SCAMP1: variants seen among roughly 807,000 people sequenced by gnomAD.
SCAMP1 encodes the protein secretory carrier-associated membrane protein 1.
In SCAMP1, 15 loss-of-function variants were observed where a neutral mutation model predicts 41.8. The ratio of observed to expected loss-of-function variants is 0.36; its 90% CI spans 0.24 to 0.55. The LOEUF is 0.55. Among genes scored for constraint, SCAMP1 ranks in the 20% least tolerant of loss-of-function variants. SCAMP1 has a pLI of 0.86. For missense variants in SCAMP1, 341 were observed against 412.6 expected (o/e 0.83, Z 1.50); for synonymous variants, 135 against 136.8 (o/e 0.99, Z 0.09).
At chr5:78,396,755 A>G (rs952874597) in intron 2 of SCAMP1, among the ~76,000 whole-genome samples, 1 of 152,228 alleles carries the variant, frequency 6.6e-6, no homozygotes, top group African/African-American at 2.4e-5. Flanking sequence ...CTGAGAAGAA[A>G]CAACTTAGTG....
intron 1 of SCAMP1, among the ~76,000 whole-genome samples, chr5:78,363,739 C>T (rs1037328554): frequency 1.7e-4 from 26 of 152,210 alleles, no homozygotes; most frequent in African/African-American, 5.5e-4. Flanking sequence ...AGTCTATTCT[C>T]CTTATATAAT....
chr5:78,419,023 T>A, intron 5 of SCAMP1, 120 bp downstream of exon 5: 1 of 818,778 alleles, frequency 1.2e-6, no homozygotes, highest in Non-Finnish European at 1.9e-6. Context: ...TAAAGCTTAA[T>A]AATCATGATT....
intron 2 of SCAMP1, among the ~76,000 whole-genome samples, chr5:78,401,267 C>T (rs1238996174): frequency 6.6e-6 from 1 of 151,992 alleles, no homozygotes; most frequent in East Asian, 1.9e-4. Flanking sequence ...TTTTTGCATC[C>T]ATGTTCATCA....
intron 1 of SCAMP1, among the ~76,000 whole-genome samples, chr5:78,384,848 T>A (rs897433207): frequency 6.6e-6 from 1 of 152,198 alleles, no homozygotes; most frequent in African/African-American, 2.4e-5. Flanking sequence ...TTGAATTTGG[T>A]TAACTAGTAT....
chr5:78,448,884 C>T (rs1753146472), intron 6 of SCAMP1, among the ~76,000 whole-genome samples: 1 of 151,976 alleles, frequency 6.6e-6, no homozygotes, highest in South Asian at 2.1e-4. Flanking sequence ...CCTGTAATCC[C>T]AACTACTCGG....
chr5:78,394,527 T>A (rs1347250448), intron 2 of SCAMP1, among the ~76,000 whole-genome samples: 1 of 152,178 alleles, frequency 6.6e-6, no homozygotes, highest in Admixed American at 6.5e-5. Flanking sequence ...CTGAGTTAAA[T>A]AATTTAGTAT....
chr5:78,398,256 C>T (rs1751703341), intron 2 of SCAMP1, among the ~76,000 whole-genome samples: 1 of 151,794 alleles, frequency 6.6e-6, no homozygotes, highest in Non-Finnish European at 1.5e-5. Context: ...ATAGTTGAAC[C>T]TTGAAAACAT....
rs1290247258 is a variant in SCAMP1, at chr5:78,478,510, C to A, written c.*2842C>A. 1.3e-5 allele frequency: 2 copies of A among 152,216 alleles called. No individual in the cohort carries two copies. Among genetic ancestry groups the A allele is most frequent in the African/African-American group, 4.8e-5 (2 of 41,414 alleles). The allele number at this position is 152,216 out of a possible 1,614,324, so 9.4% of individuals were successfully genotyped here. On this transcript the variant is annotated 3_prime_UTR_variant, in exon 9 of 9. Transcript: ENST00000621999. ...CAGGTAATGGAACATGAGCTTCACC[C>A]ATATTAAATATTTTGGCCCCTTTAA...
At chr5:78,383,663 T>A (rs578196528) in intron 1 of SCAMP1, among the ~76,000 whole-genome samples, 3 of 152,334 alleles carry the variant, frequency 2.0e-5, no homozygotes, top group Admixed American at 1.3e-4. Context: ...TTGCCAATGA[T>A]CCCAGCACCA....
chr5:78,413,336 C>T lies in SCAMP1; in HGVS notation c.136-2184C>T, dbSNP rs566410911. 3.6e-3 allele frequency among the ~76,000 whole-genome samples: 539 copies of T among 151,192 alleles called. 6 individuals are homozygous for T. The highest frequency in any genetic ancestry group is 0.013 in the African/African-American group (521 of 41,246). ...TGCATCTGTATTACACTCTTAATTA[C>T]TGTGGTTCTATAATAAGCCTTGATA... On this transcript the variant is annotated intron_variant, in intron 2 of 8. Transcript: ENST00000621999.
In SCAMP1 at chr5:78,460,113, G is replaced by C. The variant is rs1035261572; in HGVS notation, c.852+751G>C. ...CATTTTTTAGGTGGTGTAGTATTTCGTGATGTATATGTATCACATTTTCTT... is the reference window on the plus strand; with the variant it reads ...CATTTTTTAGGTGGTGTAGTATTTCCTGATGTATATGTATCACATTTTCTT... On this transcript the variant is annotated intron_variant, in intron 8 of 8. Coordinates refer to ENST00000621999, the MANE Select transcript of SCAMP1 (RefSeq NM_004866.6). Among the ~76,000 whole-genome samples, 3 of 152,192 alleles carry C rather than the reference G, an allele frequency of 2.0e-5. No homozygotes were observed. The South Asian group carries it at 6.2e-4, about 31-fold the overall frequency.
At chr5:78,385,665 A>G (rs1190138847) in intron 1 of SCAMP1, among the ~76,000 whole-genome samples, 1 of 152,146 alleles carries the variant, frequency 6.6e-6, no homozygotes. Flanking sequence ...GTTCAGTTCA[A>G]ATAATTTTTT....
At chr5:78,438,519 C>T (rs62364270) in intron 6 of SCAMP1, among the ~76,000 whole-genome samples, 56,327 of 151,958 alleles carry the variant, frequency 0.37, 12,566 homozygotes, top group Non-Finnish European at 0.5. Context: ...TGTAGTTGAG[C>T]GGTTTTGAGT....
At chr5:78,474,693 C>T (rs1250429765) in intron 8 of SCAMP1, among the ~76,000 whole-genome samples, 1 of 152,150 alleles carries the variant, frequency 6.6e-6, no homozygotes, top group Non-Finnish European at 1.5e-5. Flanking sequence ...AGTGTAATTA[C>T]CAGTATCTTT....
At chr5:78,423,344 T>C (rs1325857238) in intron 6 of SCAMP1, among the ~76,000 whole-genome samples, 1 of 152,152 alleles carries the variant, frequency 6.6e-6, no homozygotes, top group Non-Finnish European at 1.5e-5. Flanking sequence ...GAAAGGAACA[T>C]AGTTACTCCT....
chr5:78,452,802 C>A (rs1580707428), intron 7 of SCAMP1, among the ~76,000 whole-genome samples: 1 of 145,046 alleles, frequency 6.9e-6, no homozygotes. Context: ...ACAGTCCCAC[C>A]AACAGTGTAA....
At chr5:78,452,897 A>G (rs1232717441) in intron 7 of SCAMP1, among the ~76,000 whole-genome samples, 6 of 149,542 alleles carry the variant, frequency 4.0e-5, no homozygotes, top group East Asian at 2.0e-4. Flanking sequence ...GTGTGAGATG[A>G]TATCTCATTG....
At chr5:78,458,152 G>A (rs1447531300) in intron 7 of SCAMP1, among the ~76,000 whole-genome samples, 2 of 152,084 alleles carry the variant, frequency 1.3e-5, no homozygotes, top group South Asian at 2.1e-4. Context: ...CTTCTGCGTC[G>A]CTCTCGCTGG....
At chr5:78,401,386 T>A (rs1298736875) in intron 2 of SCAMP1, among the ~76,000 whole-genome samples, 1 of 152,164 alleles carries the variant, frequency 6.6e-6, no homozygotes, top group East Asian at 1.9e-4. Context: ...TTCCTCCGAT[T>A]GAGACTGTAT....
Sources: gnomAD v4.1 joint callset for allele counts (sites outside exome capture counted in the v4.1 genomes callset) on GRCh38, gnomAD v4.1.1 for gene constraint, MANE v1.5 for transcripts, NCBI Gene and HGNC (gene_info 2026-07-23, HGNC 2026-07-21) for gene names.